The following TBCEL variants were observed in gnomAD, a reference collection of about 807,000 sequenced individuals.
The protein encoded by TBCEL is tubulin-specific chaperone cofactor E-like protein.
In TBCEL, 15 loss-of-function variants were observed where a neutral mutation model predicts 44.2. The observed-to-expected ratio is 0.34, with a 90% CI of 0.23 to 0.52. The LOEUF (loss-of-function observed/expected upper bound fraction) is 0.52. Among genes scored for constraint, TBCEL ranks in the 20% least tolerant of loss-of-function variants. TBCEL has a pLI of 0.95. For synonymous variants in TBCEL, 171 were observed against 185.4 expected (o/e 0.92, Z 0.63); for missense variants, 319 against 506.3 (o/e 0.63, Z 3.55).
At chr11:121,033,412 G>A (rs930927926) in intron 1 of TBCEL, among the ~76,000 whole-genome samples, 3 of 152,012 alleles carry the variant, frequency 2.0e-5, no homozygotes, top group Admixed American at 6.6e-5. Context: ...CATTGATAAA[G>A]GATTCCAAGA....
chr11:121,072,111 C>G (rs1161440704), intron 8 of TBCEL, among the ~76,000 whole-genome samples: 2 of 152,142 alleles, frequency 1.3e-5, no homozygotes, highest in Admixed American at 1.3e-4. Flanking sequence ...TTTGTCATTC[C>G]AGTTACCTTG....
At position 121,088,915 on chromosome 11, in the gene TBCEL, C is replaced by T. The variant is rs1287675735; in HGVS notation, c.*1819C>T. 1.3e-5 allele frequency: 2 copies of T among 152,138 alleles called. No homozygotes were observed. The allele number at this position is 152,138 out of a possible 1,614,324, so 9.4% of individuals were successfully genotyped here. On this transcript the variant is annotated 3_prime_UTR_variant, in exon 9 of 9. Coordinates refer to ENST00000683345, the MANE Select transcript of TBCEL (RefSeq NM_001363644.2). ...TCCTTCTGCTGCAGACTTTATCTTT[C>T]AAAATCATAAAAATGAGCAATGGAG...
At chr11:121,067,460 T>C (rs1216944351) in intron 8 of TBCEL, among the ~76,000 whole-genome samples, 3 of 152,242 alleles carry the variant, frequency 2.0e-5, no homozygotes, top group African/African-American at 7.2e-5. Flanking sequence ...AAGTTTAGCC[T>C]CTCTGCTCTA....
At chr11:121,060,143 C>G in intron 8 of TBCEL, 58 bp downstream of exon 8, 3 of 1,252,640 alleles carry the variant, frequency 2.4e-6, no homozygotes, top group Non-Finnish European at 3.5e-6. Context: ...GTTAAGAACT[C>G]TAGTGTTAGA....
In TBCEL at chr11:121,055,184, A is replaced by C; in HGVS notation, c.588A>C (p.Gly196=). ...LQDWTEIRKL[G]VMFPSLDTLV... is the part of the protein sequence containing the mutation. ...ACTGGACTGAAATACGAAAGTTAGG[A>C]GTTATGTTTCCTTCACTGGATACCC... The change falls in exon 6 of 9, where the codon GGA becomes GGC. Residue 196 remains glycine (G), a synonymous_variant. Transcript: ENST00000683345. 6.2e-7 allele frequency: 1 copy of C among 1,612,360 alleles called. No homozygotes were observed. The highest frequency in any genetic ancestry group is 8.5e-7 in the Non-Finnish European group (1 of 1,179,020).
At chr11:121,083,886 C>T (rs1946169132) in intron 8 of TBCEL, among the ~76,000 whole-genome samples, 1 of 152,166 alleles carries the variant, frequency 6.6e-6, no homozygotes, top group African/African-American at 2.4e-5. Context: ...AACAATACCA[C>T]AGACTTGGTA....
At chr11:121,062,421 A>G (rs1945741178) in intron 8 of TBCEL, among the ~76,000 whole-genome samples, 1 of 152,156 alleles carries the variant, frequency 6.6e-6, no homozygotes, top group Non-Finnish European at 1.5e-5. Flanking sequence ...TGTGCTGTAC[A>G]TTTATACAGC....
At chr11:121,051,123 C>G (rs1045341596) in intron 4 of TBCEL, among the ~76,000 whole-genome samples, 1 of 151,400 alleles carries the variant, frequency 6.6e-6, no homozygotes, top group African/African-American at 2.4e-5. Flanking sequence ...TGTTATTTTT[C>G]CTGCTTGAAT....
At chr11:121,049,187 T>C (rs1945486055) in intron 4 of TBCEL, among the ~76,000 whole-genome samples, 1 of 151,930 alleles carries the variant, frequency 6.6e-6, no homozygotes, top group Non-Finnish European at 1.5e-5. Flanking sequence ...AATCAAGACC[T>C]CTTGTTCCAA....
chr11:121,088,996 A>G lies in TBCEL; in HGVS notation c.*1900A>G, dbSNP rs1314362200. ...TTTTGCAAACACATTTTCCTGACAG[A>G]TTTTTGGAAGTAGGAAAAAAGTATG... On this transcript the variant is annotated 3_prime_UTR_variant, in exon 9 of 9. Transcript: ENST00000683345. 6.6e-6 allele frequency: 1 copy of G among 152,198 alleles called. No homozygotes were observed. The highest frequency in any genetic ancestry group is 1.5e-5 in the Non-Finnish European group (1 of 68,030). 9.4% of individuals were successfully genotyped at this position (152,198 alleles called of 1,614,324 possible).
chr11:121,077,908 A>G (rs1420339706), intron 8 of TBCEL, among the ~76,000 whole-genome samples: 2 of 151,978 alleles, frequency 1.3e-5, no homozygotes, highest in Admixed American at 1.3e-4. Context: ...TATTTTCCTT[A>G]TCTTTCCAGG....
At chr11:121,047,312 G>A (rs1167162248) in intron 3 of TBCEL, among the ~76,000 whole-genome samples, 3 of 151,858 alleles carry the variant, frequency 2.0e-5, no homozygotes, top group African/African-American at 7.3e-5. Context: ...TTTTTTGGTG[G>A]TACGGGTGCA....
intron 4 of TBCEL, among the ~76,000 whole-genome samples, chr11:121,052,941 C>T (rs887070873): frequency 4.0e-5 from 6 of 151,760 alleles, no homozygotes; most frequent in African/African-American, 1.5e-4. Flanking sequence ...TACCAAGTTG[C>T]TAGCTAAATC....
chr11:121,056,074 G>C (rs188746186), intron 6 of TBCEL, among the ~76,000 whole-genome samples: 200 of 151,898 alleles, frequency 1.3e-3, no homozygotes, highest in African/African-American at 4.7e-3. Flanking sequence ...GTAGTGACAT[G>C]TATCCACCAT....
chr11:121,029,627 A>G (rs947716241), intron 1 of TBCEL, among the ~76,000 whole-genome samples: 2 of 152,240 alleles, frequency 1.3e-5, no homozygotes, highest in Non-Finnish European at 2.9e-5. Context: ...CAGGTAGCCC[A>G]TTTCCCAAAT....
At chr11:121,053,026 G>A (rs1432998728) in intron 4 of TBCEL, among the ~76,000 whole-genome samples, 1 of 151,378 alleles carries the variant, frequency 6.6e-6, no homozygotes, top group Non-Finnish European at 1.5e-5. Context: ...ATATTTTAAA[G>A]TTTGGTACAT....
At chr11:121,055,552 A>G (rs539981335) in intron 6 of TBCEL, among the ~76,000 whole-genome samples, 3 of 152,008 alleles carry the variant, frequency 2.0e-5, no homozygotes, top group Non-Finnish European at 2.9e-5. Context: ...GGGTCATGCT[A>G]TGAAAAAAGT....
chr11:121,061,055 G>A (rs989912463), intron 8 of TBCEL, among the ~76,000 whole-genome samples: 2 of 152,040 alleles, frequency 1.3e-5, no homozygotes, highest in African/African-American at 4.8e-5. Context: ...ATCATCAGTA[G>A]TGTTTTAAAG....
rs573542962 is a variant in TBCEL at position 121,087,108 on chromosome 11, CT to C, written c.*14del. 2,365 of 1,604,602 alleles carry C rather than the reference CT, an allele frequency of 1.5e-3. 32 individuals are homozygous for C. The African/African-American group carries it at 0.029, about 20-fold the overall frequency. ...CCAAAACAAAATAACCTCTACCAGC[CT>C]TGTGAAAAACATACACATAAGGACT... On this transcript the variant is annotated 3_prime_UTR_variant, in exon 9 of 9. Coordinates refer to ENST00000683345, the MANE Select transcript of TBCEL (RefSeq NM_001363644.2).
Sources: gnomAD v4.1 joint callset for allele counts (sites outside exome capture counted in the v4.1 genomes callset) on GRCh38, gnomAD v4.1.1 for gene constraint, MANE v1.5 for transcripts, NCBI Gene and HGNC (gene_info 2026-07-23, HGNC 2026-07-21) for gene names.